EFHB: variants seen among roughly 807,000 people sequenced by gnomAD.
EFHB encodes EF-hand domain family member B.
EFHB carries 91 observed loss-of-function variants against 87.2 expected under a neutral mutation model. The observed-to-expected ratio is 1.04, with a 90% CI of 0.88 to 1.24. The LOEUF is 1.24. EFHB is among the 50% of genes most tolerant of loss of function. EFHB has a pLI of 0.00. For synonymous variants in EFHB, 325 were observed against 333.6 expected, an observed-to-expected ratio of 0.97 and a Z score of 0.28; for missense variants, 1,084 against 998.8, an observed-to-expected ratio of 1.09 and a Z score of -1.15.
At chr3:19,899,578 AC>A in intron 6 of EFHB, 63 bp from the exon 7 acceptor site, 2 of 1,272,040 alleles carry the variant, frequency 1.6e-6, no homozygotes, top group Non-Finnish European at 2.2e-6. Context: ...TGCCAAATAT[AC>A]ATAAGGCGAA....
chr3:19,945,685 C>G (rs929916427), intron 1 of EFHB, among the ~76,000 whole-genome samples: 2 of 152,154 alleles, frequency 1.3e-5, no homozygotes, highest in Non-Finnish European at 2.9e-5. Context: ...GAGCTATTAC[C>G]ATGATTAATA....
chr3:19,941,148 G>C (rs1033788320), intron 1 of EFHB: 5 of 384,132 alleles, frequency 1.3e-5, no homozygotes, highest in African/African-American at 1.1e-4. Context: ...TCTGAATCCT[G>C]GGGATAAAAG....
At position 19,896,789 on chromosome 3, in the gene EFHB, C is replaced by G; in HGVS notation, c.1623G>C (p.Lys541Asn). ...NRLPDEYLRGKDRQRALIAAV... is the reference protein window; with the variant it reads ...NRLPDEYLRGNDRQRALIAAV... ...CTGCAATCAGGGCTCGCTGTCTATC[C>G]TTGCCTCGAAGATATTCATCCGGAA... The change falls in exon 9 of 13, where the codon AAG becomes AAC. Residue 541 changes from lysine to asparagine, a missense_variant. Coordinates refer to ENST00000295824, the MANE Select transcript of EFHB (RefSeq NM_144715.4). 6.2e-7 allele frequency: 1 copy of G among 1,613,984 alleles called. No homozygotes were observed. The highest frequency in any genetic ancestry group is 1.6e-4 in the Middle Eastern group (1 of 6,062).
intron 5 of EFHB, among the ~76,000 whole-genome samples, chr3:19,912,800 G>C (rs1285122845): frequency 6.6e-6 from 1 of 152,094 alleles, no homozygotes; most frequent in Non-Finnish European, 1.5e-5. Flanking sequence ...GTTGTTATCA[G>C]GTTAAAATAA....
intron 1 of EFHB, among the ~76,000 whole-genome samples, chr3:19,942,775 C>A (rs1696189311): frequency 6.6e-6 from 1 of 152,022 alleles, no homozygotes; most frequent in Non-Finnish European, 1.5e-5. Flanking sequence ...GTTCACACTC[C>A]TATGAGAATC....
intron 5 of EFHB, among the ~76,000 whole-genome samples, chr3:19,909,418 T>C (rs1025801488): frequency 6.6e-5 from 10 of 152,058 alleles, no homozygotes; most frequent in African/African-American, 2.2e-4. Context: ...CAAACTTGAG[T>C]GCCTGCAAAC....
intron 9 of EFHB, among the ~76,000 whole-genome samples, chr3:19,892,196 A>G (rs1694329067): frequency 6.6e-6 from 1 of 152,200 alleles, no homozygotes; most frequent in Non-Finnish European, 1.5e-5. Flanking sequence ...GGTGCACCCT[A>G]TAGCACAAAA....
chr3:19,882,983 T>A (rs1468528986), intron 11 of EFHB, among the ~76,000 whole-genome samples: 1 of 152,126 alleles, frequency 6.6e-6, no homozygotes, highest in East Asian at 1.9e-4. Flanking sequence ...TTTCTTTTTT[T>A]AACATGACTT....
At chr3:19,939,856 C>G (rs1043670186) in intron 1 of EFHB, among the ~76,000 whole-genome samples, 2 of 152,138 alleles carry the variant, frequency 1.3e-5, no homozygotes, top group East Asian at 1.9e-4. Flanking sequence ...TTTGATAAAC[C>G]ACTGTAAAAC....
intron 11 of EFHB, among the ~76,000 whole-genome samples, chr3:19,883,417 T>C (rs1169891300): frequency 6.6e-6 from 1 of 152,228 alleles, no homozygotes; most frequent in African/African-American, 2.4e-5. Context: ...ATGTATAGCA[T>C]GTCTATAAAA....
In EFHB at chr3:19,899,453, T is replaced by A; in HGVS notation, c.1481A>T (p.Lys494Ile). The A allele has an allele frequency of 6.2e-7, 1 of 1,604,424 alleles. No individual in the cohort carries two copies. The highest frequency in any genetic ancestry group is 8.5e-7 in the Non-Finnish European group (1 of 1,176,978). Reference protein sequence around the residue: ...ADDFKEKFQHKLGRVLDPIAE... With the variant: ...ADDFKEKFQHILGRVLDPIAE... ...TTACGGATCTAAAACTCTTCCAAGTTTATGTTGAAACTTTTCTTTGAAATC... is the reference window on the plus strand; with the variant it reads ...TTACGGATCTAAAACTCTTCCAAGTATATGTTGAAACTTTTCTTTGAAATC... The change falls in exon 7 of 13, where the codon AAA becomes ATA. Residue 494 changes from lysine (K) to isoleucine (I), a missense_variant. By Grantham distance (102) the Lys-to-Ile change is moderately radical. Coordinates refer to ENST00000295824, the MANE Select transcript of EFHB (RefSeq NM_144715.4).
intron 6 of EFHB, among the ~76,000 whole-genome samples, chr3:19,905,289 G>A (rs914330456): frequency 6.6e-6 from 1 of 152,054 alleles, no homozygotes; most frequent in African/African-American, 2.4e-5. Flanking sequence ...AATTACAATT[G>A]TCTTGGTAGA....
chr3:19,909,157 G>T (rs1266410271), intron 5 of EFHB, among the ~76,000 whole-genome samples: 2 of 151,374 alleles, frequency 1.3e-5, no homozygotes, highest in African/African-American at 2.4e-5. Context: ...AAAAAAAAAG[G>T]CACTCAAGAG....
intron 5 of EFHB, among the ~76,000 whole-genome samples, chr3:19,911,046 A>G (rs1695046184): frequency 6.6e-6 from 1 of 152,228 alleles, no homozygotes. Context: ...GACACCAAGG[A>G]ACATCTACAA....
At chr3:19,941,361 T>A (rs1696153314) in intron 1 of EFHB, 2 of 179,550 alleles carry the variant, frequency 1.1e-5, no homozygotes, top group African/African-American at 4.8e-5. Context: ...AGAAAGAGTG[T>A]ACTTAGCATG....
chr3:19,893,508 G>A (rs1694374833), intron 9 of EFHB, among the ~76,000 whole-genome samples: 1 of 152,158 alleles, frequency 6.6e-6, no homozygotes, highest in Non-Finnish European at 1.5e-5. Context: ...GATGTTCAGG[G>A]GAGTGACAGA....
intron 6 of EFHB, among the ~76,000 whole-genome samples, chr3:19,902,090 T>C (rs570537859): frequency 2.6e-5 from 4 of 152,304 alleles, no homozygotes; most frequent in Non-Finnish European, 5.9e-5. Context: ...AGGAAGTATC[T>C]GTGGGCAACC....
intron 1 of EFHB, among the ~76,000 whole-genome samples, chr3:19,927,903 T>C (rs763993378): frequency 1.3e-5 from 2 of 150,488 alleles, no homozygotes; most frequent in African/African-American, 2.4e-5. Context: ...TAAATAATAC[T>C]ATAAATACTG....
At chr3:19,888,103 C>G (rs563691902) in intron 10 of EFHB, among the ~76,000 whole-genome samples, 1 of 152,160 alleles carries the variant, frequency 6.6e-6, no homozygotes, top group Admixed American at 6.5e-5. Context: ...TCCTACACTA[C>G]TACAGATATT....
Sources: allele counts gnomAD v4.1 joint callset (sites outside exome capture counted in the v4.1 genomes callset), GRCh38; gene constraint gnomAD v4.1.1; transcripts MANE v1.5; gene names NCBI Gene and HGNC (gene_info 2026-07-23, HGNC 2026-07-21).